FCMR: variants seen among roughly 807,000 people sequenced by gnomAD.
FCMR encodes Fc mu receptor, also known as immunoglobulin mu Fc receptor.
FCMR carries 34 observed loss-of-function variants against 41.6 expected under a neutral mutation model. That is an observed-to-expected ratio of 0.82 (90% CI 0.62 to 1.09). The LOEUF (loss-of-function observed/expected upper bound fraction) is 1.09, where lower values mean the gene tolerates loss of function less well. Among genes scored for constraint, FCMR ranks in the 50% least tolerant of loss-of-function variants. The pLI is 0.00. For synonymous variants in FCMR, 209 were observed against 211.8 expected (o/e 0.99, Z 0.12); for missense variants, 496 against 512.5 (o/e 0.97, Z 0.31).
chr1:206,908,136 G>A (rs980717820), intron 7 of FCMR: 2 of 1,318,036 alleles, frequency 1.5e-6, no homozygotes, highest in African/African-American at 1.4e-5. Flanking sequence ...AGAAGAAACA[G>A]CTCATGAGGC....
Position 206,903,387 on chromosome 1 carries a change from C to A in FCMR, c.*1632G>T, listed in dbSNP as rs1305743870. 2 of 247,350 alleles carry A rather than the reference C, an allele frequency of 8.1e-6. No individual in the cohort carries two copies. The highest frequency in any genetic ancestry group is 1.0e-4 in the Admixed American group (2 of 20,064). 15.3% of individuals were successfully genotyped at this position (247,350 alleles called of 1,614,324 possible). ...AGGCAGCAGAATATTGTGCCCCATG[C>A]TTCTTTACCCCTCACAATCCTTGCC... On this transcript the variant is annotated 3_prime_UTR_variant, in exon 8 of 8. Coordinates refer to ENST00000367091, the MANE Select transcript of FCMR (RefSeq NM_005449.5).
Position 206,910,247 on chromosome 1 carries a change from C to T in FCMR, c.804G>A (p.Leu268=), listed in dbSNP as rs368664981. The change falls in exon 5 of 8, where the codon CTG becomes CTA. Residue 268 remains leucine, a synonymous_variant. Coordinates refer to ENST00000367091, the MANE Select transcript of FCMR (RefSeq NM_005449.5). The stretch of plus-strand genomic sequence containing the variant: ...CAACGGCCCTTTTCACCACCAGCCC[C>T]AGAAGTGCCAGCAGGAAAAGGCCCA... ...TILGLFLLAL[L]GLVVKRAVER... 6.3e-7 allele frequency: 1 copy of T among 1,598,396 alleles called. No individual in the cohort carries two copies. The highest frequency in any genetic ancestry group is 1.3e-5 in the African/African-American group (1 of 74,678).
chr1:206,911,396 A>G (rs1032972884), intron 4 of FCMR, among the ~76,000 whole-genome samples: 1 of 152,188 alleles, frequency 6.6e-6, no homozygotes, highest in Admixed American at 6.5e-5. Context: ...AAACAGTAAA[A>G]GGAAATGGGT....
chr1:206,911,288 C>T (rs1184195388), intron 4 of FCMR, among the ~76,000 whole-genome samples: 2 of 151,114 alleles, frequency 1.3e-5, no homozygotes, highest in African/African-American at 4.9e-5. Context: ...TGGTATATTG[C>T]AGTACTTCCT....
intron 7 of FCMR, chr1:206,907,902 C>G (rs1678742143): frequency 6.3e-6 from 8 of 1,265,444 alleles, no homozygotes; most frequent in Non-Finnish European, 8.1e-6. Flanking sequence ...CCAAGTGAGG[C>G]CAGGCCGCCC....
At position 206,905,036 on chromosome 1, in the gene FCMR, T is replaced by G. The variant is rs775039633; in HGVS notation, c.1156A>C (p.Ile386Leu). 6.2e-7 allele frequency: 1 copy of G among 1,614,046 alleles called. No individual in the cohort carries two copies. The highest frequency in any genetic ancestry group is 2.2e-5 in the East Asian group (1 of 44,876). The change falls in exon 8 of 8, where the codon ATC becomes CTC. Residue 386 changes from isoleucine (I) to leucine (L), a missense_variant. Ile to Leu is a conservative substitution (Grantham distance 5). Coordinates refer to ENST00000367091, the MANE Select transcript of FCMR (RefSeq NM_005449.5). Reference sequence around the variant, plus strand: ...GGGAGTTGTCAGGCAGGAACATTGATGTAGTCATCTGAATCACTGTCCTCC... The same window carrying G: ...GGGAGTTGTCAGGCAGGAACATTGAGGTAGTCATCTGAATCACTGTCCTCC... ...MMEDSDSDDY[I>L]NVPA
rs1352564185 is a variant in FCMR, at chr1:206,904,149, T to G, written c.*870A>C. 2 of 152,318 alleles carry G rather than the reference T, an allele frequency of 1.3e-5. No individual in the cohort carries two copies. Among genetic ancestry groups the G allele is most frequent in the Non-Finnish European group, 2.9e-5 (2 of 68,038 alleles). 9.4% of individuals were successfully genotyped at this position (152,318 alleles called of 1,614,324 possible). ...CTCCTGACTGCTTTCCTTCCCCTGCTTGCTATACATTGTCTGGAACTGGCT... is the reference window on the plus strand; with the variant it reads ...CTCCTGACTGCTTTCCTTCCCCTGCGTGCTATACATTGTCTGGAACTGGCT... On this transcript the variant is annotated 3_prime_UTR_variant, in exon 8 of 8. Transcript: ENST00000367091.
At position 206,913,884 on chromosome 1, in the gene FCMR, C is replaced by G; in HGVS notation, c.248G>C (p.Arg83Pro). 2.5e-6 allele frequency: 4 copies of G among 1,614,214 alleles called. No individual in the cohort carries two copies. Among genetic ancestry groups the G allele is most frequent in the Non-Finnish European group, 3.4e-6 (4 of 1,180,030 alleles). The change falls in exon 2 of 8, where the codon CGC becomes CCC. Residue 83 changes from arginine to proline, a missense_variant. By Grantham distance (103) the Arg-to-Pro change is moderately radical (BLOSUM62 -2). Transcript: ENST00000367091. ...KGRVTLKQYP[R>P]KNLFLVEVTQ... The stretch of plus-strand genomic sequence containing the variant: ...TACCTCCACTAGGAACAGATTCTTG[C>G]GTGGGTATTGCTTCAGAGTAACTCG...
Position 206,910,198 on chromosome 1 carries a change from C to A in FCMR, c.841+12G>T. 1 of 1,590,958 alleles carries A rather than the reference C, an allele frequency of 6.3e-7. No homozygotes were observed. The highest frequency in any genetic ancestry group is 8.5e-7 in the Non-Finnish European group (1 of 1,170,578). ...GCAGCTCAGCTCTCCCTACCGAAGC[C>A]CAGCCGCTCACCTTTCCTCCTTTCA... On this transcript the variant is annotated intron_variant, in intron 5 of 7. Coordinates refer to ENST00000367091, the MANE Select transcript of FCMR (RefSeq NM_005449.5).
chr1:206,908,870 C>A (rs1678793476), intron 7 of FCMR, among the ~76,000 whole-genome samples: 1 of 152,172 alleles, frequency 6.6e-6, no homozygotes, highest in African/African-American at 2.4e-5. Context: ...AGGCTTTCTA[C>A]CCAACCATCA....
In FCMR at chr1:206,904,117, C is replaced by G. The variant is rs1457750392; in HGVS notation, c.*902G>C. ...AGTGCTATTGCAGAGCCGTGGCCAC[C>G]CAGGAACTCCTGACTGCTTTCCTTC... is the stretch of plus-strand genomic sequence containing the variant. On this transcript the variant is annotated 3_prime_UTR_variant, in exon 8 of 8. Coordinates refer to ENST00000367091, the MANE Select transcript of FCMR (RefSeq NM_005449.5). The G allele has an allele frequency of 6.6e-6, 1 of 152,218 alleles. No individual in the cohort carries two copies. Among genetic ancestry groups the G allele is most frequent in the African/African-American group, 2.4e-5 (1 of 41,384 alleles). The allele number at this position is 152,218 out of a possible 1,614,324, so 9.4% of individuals were successfully genotyped here.
At chr1:206,921,977 C>G (rs1379390372), upstream of FCMR, 10 of 837,064 alleles carry the variant, frequency 1.2e-5, no homozygotes, top group East Asian at 2.3e-4. Context: ...CCACGAGGAA[C>G]AAAGCTTGAC....
At position 206,905,050 on chromosome 1, in the gene FCMR, T is replaced by C. The variant is rs1304747353; in HGVS notation, c.1142A>G (p.Asp381Gly). ...AGGAACATTGATGTAGTCATCTGAA[T>C]CACTGTCCTCCATCATGGCGGCAGG... is the stretch of plus-strand genomic sequence containing the variant. Reference protein sequence around the residue: ...HQPAAMMEDSDSDDYINVPA With the variant: ...HQPAAMMEDSGSDDYINVPA Residue 381 changes from aspartate to glycine, a missense_variant, in exon 8 of 8, where the codon GAT becomes GGT. Physicochemically the swap from Asp to Gly is moderately conservative, Grantham distance 94. Coordinates refer to ENST00000367091, the MANE Select transcript of FCMR (RefSeq NM_005449.5). 7 of 1,614,118 alleles carry C rather than the reference T, an allele frequency of 4.3e-6. No homozygotes were observed. The South Asian group carries it at 7.7e-5, about 18-fold the overall frequency.
In FCMR at chr1:206,914,042, G is replaced by C; in HGVS notation, c.90C>G (p.Gly30=). ...LPEVKVEGEL[G]GSVTIKCPLP... ...GTGGGCACTTGATGGTAACTGATCC[G>C]CCCAGCTCCCCCTCTACCTTTACTT... is the stretch of plus-strand genomic sequence containing the variant. Residue 30 remains glycine, a synonymous_variant, in exon 2 of 8, where the codon GGC becomes GGG. Transcript: ENST00000367091. 6.2e-7 allele frequency: 1 copy of C among 1,614,086 alleles called. No individual in the cohort carries two copies. Among genetic ancestry groups the C allele is most frequent in the Non-Finnish European group, 8.5e-7 (1 of 1,179,992 alleles).
At chr1:206,906,183 G>C in intron 7 of FCMR, 1 of 514,918 alleles carries the variant, frequency 1.9e-6, no homozygotes, top group Non-Finnish European at 3.9e-6. Context: ...ATGTCAACCC[G>C]AAGCAAATTA....
chr1:206,917,327 T>C (rs1679236828), intron 1 of FCMR, among the ~76,000 whole-genome samples: 1 of 152,126 alleles, frequency 6.6e-6, no homozygotes, highest in African/African-American at 2.4e-5. Flanking sequence ...GTGATTTTTA[T>C]GTTTATCAAA....
chr1:206,905,397 G>A (rs747457709), intron 7 of FCMR, among the ~76,000 whole-genome samples: 2 of 152,188 alleles, frequency 1.3e-5, no homozygotes, highest in African/African-American at 2.4e-5. Context: ...GTAAAATCAT[G>A]TGGCTAAGCA....
rs1678832866 is a variant in FCMR, at chr1:206,909,684, C to T, written c.985+41G>A. 1.4e-5 allele frequency: 19 copies of T among 1,378,546 alleles called. No individual in the cohort carries two copies. The highest frequency in any genetic ancestry group is 1.8e-5 in the Non-Finnish European group (19 of 1,076,238). 85.4% of individuals were successfully genotyped at this position (1,378,546 alleles called of 1,614,324 possible). ...GCGCCCGGCTTTCCCGGAGCCAGCGCACTCTTTCCGCTACTCCCCGTGGCC... is the reference window on the plus strand; with the variant it reads ...GCGCCCGGCTTTCCCGGAGCCAGCGTACTCTTTCCGCTACTCCCCGTGGCC... On this transcript the variant is annotated intron_variant, in intron 6 of 7. Coordinates refer to ENST00000367091, the MANE Select transcript of FCMR (RefSeq NM_005449.5). This position sits in a 1 kb window ranked among gnomAD's most constrained non-coding sequence, Gnocchi z 5.0.
rs914253057 is a variant in FCMR, at chr1:206,909,210, AT to A, written c.1044+251del. The stretch of plus-strand genomic sequence containing the variant: ...AGCCAGCTGCATCCAGCACGCAGGT[AT>A]CCCGTGACAACTGCTTGGCTAGAAG... On this transcript the variant is annotated intron_variant, in intron 7 of 7. Transcript: ENST00000367091. This position sits in a 1 kb window ranked among gnomAD's most constrained non-coding sequence, Gnocchi z 5.0. Among the ~76,000 whole-genome samples the A allele has an allele frequency of 3.9e-5, 6 of 152,176 alleles. No individual in the cohort carries two copies. Among genetic ancestry groups the A allele is most frequent in the African/African-American group, 1.4e-4 (6 of 41,442 alleles).
Sources: gnomAD v4.1 joint callset for allele counts (sites outside exome capture counted in the v4.1 genomes callset) on GRCh38, gnomAD v4.1.1 for gene constraint, Gnocchi (gnomAD v3.1) non-coding constraint, MANE v1.5 for transcripts, NCBI Gene and HGNC (gene_info 2026-07-23, HGNC 2026-07-21) for gene names.